GRIK5: variants seen among roughly 807,000 people sequenced by gnomAD.
GRIK5 encodes glutamate receptor ionotropic, kainate 5.
Under a neutral mutation model 97.4 loss-of-function variants are expected in GRIK5, and 43 were observed. The observed-to-expected ratio is 0.44, with a 90% CI of 0.35 to 0.57. The LOEUF (loss-of-function observed/expected upper bound fraction) is 0.57, where lower values mean the gene tolerates loss of function less well. Among genes scored for constraint, GRIK5 ranks in the 20% least tolerant of loss-of-function variants. The pLI is 0.01. For synonymous variants in GRIK5, 580 were observed against 583.5 expected (o/e 0.99, Z 0.09); for missense variants, 1,015 against 1,382.0 (o/e 0.73, Z 4.21).
At chr19:42,026,291 TTTATTA>T (rs758662164) in intron 12 of GRIK5, among the ~76,000 whole-genome samples, 26 of 151,650 alleles carry the variant, frequency 1.7e-4, no homozygotes, top group African/African-American at 5.3e-4. Flanking sequence ...CCTTGTTCTT[TTTATTA>T]TTATTATTAT....
intron 12 of GRIK5, among the ~76,000 whole-genome samples, chr19:42,033,670 A>C (rs925520166): frequency 2.9e-4 from 44 of 152,162 alleles, no homozygotes; most frequent in African/African-American, 9.9e-4. Flanking sequence ...GGTTATTTTT[A>C]TGTGACATAA....
rs2076273887 is a variant in GRIK5 at position 42,062,608 on chromosome 19, A to G, written c.388T>C (p.Tyr130His). 6.2e-7 allele frequency: 1 copy of G among 1,614,180 alleles called. No homozygotes were observed. Among genetic ancestry groups the G allele is most frequent in the Admixed American group, 1.7e-5 (1 of 60,034 alleles). Residue 130 changes from tyrosine to histidine, a missense_variant, in exon 5 of 20, where the codon TAC becomes CAC. Physicochemically the swap from Tyr to His is moderately conservative, Grantham distance 83. Around this residue, in one of 5 missense-constraint regions of GRIK5, gnomAD observed 198 missense variants for 218.2 expected, o/e 0.91. Coordinates refer to ENST00000593562, the MANE Select transcript of GRIK5 (RefSeq NM_002088.5). This position sits in a 1 kb window ranked among gnomAD's most constrained non-coding sequence, Gnocchi z 5.3. ...AGGCTGACAGACGCGAAGCGAAGGTACTGAAGGCGGGGTGTCTCCTCGGGA... is the reference window on the plus strand; with the variant it reads ...AGGCTGACAGACGCGAAGCGAAGGTGCTGAAGGCGGGGTGTCTCCTCGGGA... ...VGPEETPRLQ[Y>H]LRFASVSLYP...
In GRIK5 at chr19:42,053,867, G is replaced by A. The variant is rs758869466; in HGVS notation, c.1119C>T (p.Tyr373=). The A allele has an allele frequency of 5.0e-6, 8 of 1,613,908 alleles. No individual in the cohort carries two copies. The highest frequency in any genetic ancestry group is 2.7e-5 in the African/African-American group (2 of 74,922). The change falls in exon 10 of 20, where the codon TAC becomes TAT. Residue 373 remains tyrosine, a synonymous_variant. Transcript: ENST00000593562. ...EFNSKGQRTN[Y]TLRILEKSRQ... is the part of the protein sequence containing the mutation. ...GGGACTTTTCTAGGATGCGCAGGGTGTAGTTGGTTCTCTGCCCTTTGCTGT... is the reference window on the plus strand; with the variant it reads ...GGGACTTTTCTAGGATGCGCAGGGTATAGTTGGTTCTCTGCCCTTTGCTGT...
Position 42,065,553 on chromosome 19 carries a change from G to A in GRIK5, c.79+139C>T. 1 of 978,016 alleles carries A rather than the reference G, an allele frequency of 1.0e-6. No homozygotes were observed. Among genetic ancestry groups the A allele is most frequent in the East Asian group, 2.6e-5 (1 of 38,036 alleles). 60.6% of individuals were successfully genotyped at this position (978,016 alleles called of 1,614,324 possible). A position where few individuals can be genotyped will look rare whatever the true frequency, so the allele number is the denominator to read the frequency against. Reference sequence around the variant, plus strand: ...TAGGGGTCTGGACTCCTGGGTCCTGGGGGAAGGAGGAACTGGAGGCTGGGA... The same window carrying A: ...TAGGGGTCTGGACTCCTGGGTCCTGAGGGAAGGAGGAACTGGAGGCTGGGA... On this transcript the variant is annotated intron_variant, in intron 2 of 19. Transcript: ENST00000593562. This position sits in a 1 kb window ranked among gnomAD's most constrained non-coding sequence, Gnocchi z 5.8.
intron 11 of GRIK5, among the ~76,000 whole-genome samples, chr19:42,050,388 G>A (rs1057197432): frequency 3.9e-5 from 6 of 152,064 alleles, no homozygotes; most frequent in Non-Finnish European, 7.4e-5. Context: ...GGCCTGGCAC[G>A]GTGGCTCACG....
At chr19:42,068,741 AG>A in intron 1 of GRIK5, 2 of 505,900 alleles carry the variant, frequency 4.0e-6, no homozygotes, top group Non-Finnish European at 7.1e-6. Context: ...CTAACAGCAA[AG>A]AGAGAAGTTG....
rs926811908 is a variant in GRIK5, at chr19:42,047,365, C to T, written c.1270-4610G>A. 3.3e-5 allele frequency among the ~76,000 whole-genome samples: 5 copies of T among 151,690 alleles called. No individual in the cohort carries two copies. The South Asian group carries it at 1.0e-3, about 32-fold the overall frequency. On this transcript the variant is annotated intron_variant, in intron 11 of 19. Coordinates refer to ENST00000593562, the MANE Select transcript of GRIK5 (RefSeq NM_002088.5). ...GACCAGCCTGGGCAACATAGGAAGACCCCGTCTCAATAAAAATAACTTATA... is the reference window on the plus strand; with the variant it reads ...GACCAGCCTGGGCAACATAGGAAGATCCCGTCTCAATAAAAATAACTTATA...
At position 41,998,929 on chromosome 19, in the gene GRIK5, C is replaced by G; in HGVS notation, c.2885G>C (p.Ser962Thr). ...GGGGCCAGGCCGCGGCCGGGGCGGG[C>G]TGGTGGCTTCGGCGGGGACGCCCAG... The part of the protein sequence containing the change: ...RGLGVPAEAT[S>T]PPRPRPGPAG... Residue 962 changes from serine (S) to threonine (T), a missense_variant, in exon 20 of 20, where the codon AGC (serine) becomes ACC (threonine). Transcript: ENST00000593562. 1 of 1,123,924 alleles carries G rather than the reference C, an allele frequency of 8.9e-7. No homozygotes were observed. The highest frequency in any genetic ancestry group is 1.1e-6 in the Non-Finnish European group (1 of 919,910). 69.6% of individuals were successfully genotyped at this position (1,123,924 alleles called of 1,614,324 possible). A position where few individuals can be genotyped will look rare whatever the true frequency, so the allele number is the denominator to read the frequency against.
At chr19:42,014,089 T>C in intron 15 of GRIK5, among the ~76,000 whole-genome samples, 1 of 149,604 alleles carries the variant, frequency 6.7e-6, no homozygotes, top group South Asian at 2.1e-4. Context: ...TACATATAAA[T>C]AAAATTTAAA....
chr19:42,059,286 C>T, intron 6 of GRIK5, 63 bp downstream of exon 6: 1 of 1,388,364 alleles, frequency 7.2e-7, no homozygotes, highest in South Asian at 1.2e-5. Flanking sequence ...CATTGGGTGA[C>T]TTGCTCGGTC....
chr19:42,059,099 A>T (rs1486272443), intron 6 of GRIK5, among the ~76,000 whole-genome samples: 1 of 152,088 alleles, frequency 6.6e-6, no homozygotes, highest in Non-Finnish European at 1.5e-5. Context: ...CTGTTCCCTT[A>T]GCCTCACTCA....
intron 1 of GRIK5, among the ~76,000 whole-genome samples, chr19:42,066,818 A>T (rs1195600292): frequency 6.6e-6 from 1 of 151,922 alleles, no homozygotes; most frequent in African/African-American, 2.4e-5. Context: ...GAGACAGAGG[A>T]TGGAGAAAAG....
intron 12 of GRIK5, among the ~76,000 whole-genome samples, chr19:42,025,669 A>G (rs561610260): frequency 6.6e-6 from 1 of 152,252 alleles, no homozygotes; most frequent in African/African-American, 2.4e-5. Flanking sequence ...ACACCTCCGG[A>G]ACGGAGTCAC....
At chr19:42,013,494 C>G (rs1218120961) in intron 15 of GRIK5, among the ~76,000 whole-genome samples, 1 of 145,588 alleles carries the variant, frequency 6.9e-6, no homozygotes, top group Non-Finnish European at 1.5e-5. Flanking sequence ...ACTGCAAGCT[C>G]CGCCTCCCAG....
intron 5 of GRIK5, among the ~76,000 whole-genome samples, chr19:42,060,608 C>T (rs1343177894): frequency 6.6e-6 from 1 of 150,610 alleles, no homozygotes; most frequent in Non-Finnish European, 1.5e-5. Flanking sequence ...ATCCAGCCCA[C>T]AGCTCCTCCT....
rs2075406729 is a variant in GRIK5 at position 41,999,356 on chromosome 19, G to A, written c.2515-57C>T. The A allele has an allele frequency of 4.5e-6, 6 of 1,322,370 alleles. No individual in the cohort carries two copies. Among genetic ancestry groups the A allele is most frequent in the African/African-American group, 1.6e-5 (1 of 63,730 alleles). 81.9% of individuals were successfully genotyped at this position (1,322,370 alleles called of 1,614,324 possible). A position where few individuals can be genotyped will look rare whatever the true frequency, so the allele number is the denominator to read the frequency against. ...CGCAGTCCGCCTCCCGCCTCCCCCA[G>A]CCCCTCTCCACATCCCACTCCTCCT... On this transcript the variant is annotated intron_variant, in intron 19 of 19. Transcript: ENST00000593562. The surrounding 1 kb of genome is among the most constrained non-coding windows in gnomAD (Gnocchi z 5.0).
At position 42,012,584 on chromosome 19, in the gene GRIK5, CAGA is replaced by C. The variant is rs1172258985; in HGVS notation, c.1872-5777_1872-5775del. Among the ~76,000 whole-genome samples, 3 of 152,072 alleles carry C rather than the reference CAGA, an allele frequency of 2.0e-5. No individual in the cohort carries two copies. The East Asian group carries it at 5.8e-4, about 30-fold the overall frequency. ...CATTTTTAAATGGTTAAAATGAAAT[CAGA>C]AGAACAGGCTGGGCGCAGTGGTTCA... On this transcript the variant is annotated intron_variant, in intron 15 of 19. Coordinates refer to ENST00000593562, the MANE Select transcript of GRIK5 (RefSeq NM_002088.5).
chr19:42,065,812 A>C lies in GRIK5; in HGVS notation c.-42T>G. 7 of 1,476,094 alleles carry C rather than the reference A, an allele frequency of 4.7e-6. No homozygotes were observed. Among genetic ancestry groups the C allele is most frequent in the Non-Finnish European group, 6.4e-6 (7 of 1,086,446 alleles). The allele number at this position is 1,476,094 out of a possible 1,614,324, so 91.4% of individuals were successfully genotyped here. On this transcript the variant is annotated 5_prime_UTR_variant, in exon 2 of 20. Transcript: ENST00000593562. This position sits in a 1 kb window ranked among gnomAD's most constrained non-coding sequence, Gnocchi z 5.8. ...TGGGGACGCAGCTGCCGCGGCCCCC[A>C]CTCGCCACCTGCAGGGAGACCCCCC...
chr19:41,999,425 C>G lies in GRIK5; in HGVS notation c.2515-126G>C. On this transcript the variant is annotated intron_variant, in intron 19 of 19. Transcript: ENST00000593562. The surrounding 1 kb of genome is among the most constrained non-coding windows in gnomAD (Gnocchi z 5.0). ...GTCTTTCTTCCTTCTGCCCTCGCTT[C>G]CCTTCCCACTTCTCTTCCCTTTATC... 2.9e-6 allele frequency: 2 copies of G among 687,744 alleles called. No homozygotes were observed. Among genetic ancestry groups the G allele is most frequent in the Non-Finnish European group, 4.6e-6 (2 of 435,792 alleles). 42.6% of individuals were successfully genotyped at this position (687,744 alleles called of 1,614,324 possible). A position where few individuals can be genotyped will look rare whatever the true frequency, so the allele number is the denominator to read the frequency against.
Sources: gnomAD v4.1 joint callset for allele counts (sites outside exome capture counted in the v4.1 genomes callset) on GRCh38, gnomAD v4.1.1 for gene constraint, gnomAD v4.1.1 regional missense constraint, Gnocchi (gnomAD v3.1) non-coding constraint, MANE v1.5 for transcripts, NCBI Gene and HGNC (gene_info 2026-07-23, HGNC 2026-07-21) for gene names.